INPPL1: variants seen among roughly 807,000 people sequenced by gnomAD.
The protein encoded by INPPL1 is phosphatidylinositol 3,4,5-trisphosphate 5-phosphatase 2.
In INPPL1, 91 loss-of-function variants were observed where a neutral mutation model predicts 139.3. That is an observed-to-expected ratio of 0.65 (90% CI 0.55 to 0.78). The LOEUF (loss-of-function observed/expected upper bound fraction) is 0.78. Among genes scored for constraint, INPPL1 ranks in the 30% least tolerant of loss-of-function variants. The pLI is 0.00. For synonymous variants in INPPL1, 719 were observed against 686.6 expected (o/e 1.05, Z -0.74); for missense variants, 1,411 against 1,665.6 (o/e 0.85, Z 2.66).
chr11:72,225,380 G>A, intron 1 of INPPL1: 2 of 985,470 alleles, frequency 2.0e-6, no homozygotes, highest in Non-Finnish European at 2.4e-6. Flanking sequence ...GGAGCCTTGA[G>A]GGTAGAGAAT....
In INPPL1 at chr11:72,232,578, C is replaced by T. The variant is rs1371961983; in HGVS notation, c.1713-48C>T. ...TTTATGCCTATCCCTGACTTCTGGCCCTGACCCTGGGGATCTACCCCTCCC... is the reference window on the plus strand; with the variant it reads ...TTTATGCCTATCCCTGACTTCTGGCTCTGACCCTGGGGATCTACCCCTCCC... On this transcript the variant is annotated intron_variant, in intron 14 of 27. Transcript: ENST00000298229. The T allele has an allele frequency of 3.1e-6, 5 of 1,603,516 alleles. No homozygotes were observed. The African/African-American group carries it at 6.7e-5, about 21-fold the overall frequency.
rs201051695 is a variant in INPPL1 at position 72,238,073 on chromosome 11, G to T, written c.3584G>T (p.Gly1195Val). ...TGCCTGCAGGGCGGGCGGGCCAGCG[G>T]GCTGGGCGAGGCAGGCATGAGTGCC... is the stretch of plus-strand genomic sequence containing the variant. ...APCLQGGRAS[G>V]LGEAGMSAWL... The change falls in exon 27 of 28, where the codon GGG becomes GTG. Residue 1195 changes from glycine (G) to valine (V), a missense_variant. Transcript: ENST00000298229. 2.0e-4 allele frequency: 308 copies of T among 1,571,430 alleles called. No individual in the cohort carries two copies. Among genetic ancestry groups the T allele is most frequent in the Middle Eastern group, 1.5e-3 (8 of 5,500 alleles).
rs1218682353 is a variant in INPPL1, at chr11:72,234,013, T to G, written c.2213-268T>G. 6.6e-6 allele frequency among the ~76,000 whole-genome samples: 1 copy of G among 152,182 alleles called. No individual in the cohort carries two copies. Among genetic ancestry groups the G allele is most frequent in the Non-Finnish European group, 1.5e-5 (1 of 68,030 alleles). ...CTAGGGCCACGTGTGTGTCCCTGAG[T>G]ATGCCTGTAGGTGTGGGAATCCTGC... On this transcript the variant is annotated intron_variant, in intron 19 of 27. Coordinates refer to ENST00000298229, the MANE Select transcript of INPPL1 (RefSeq NM_001567.4). This position sits in a 1 kb window ranked among gnomAD's most constrained non-coding sequence, Gnocchi z 4.2.
rs1948833192 is a variant in INPPL1, at chr11:72,231,485, ACT to A, written c.1498-8_1498-7del. On this transcript the variant is annotated splice_polypyrimidine_tract_variant and intron_variant, in intron 12 of 27. Coordinates refer to ENST00000298229, the MANE Select transcript of INPPL1 (RefSeq NM_001567.4). ...TGCAGCAGGGCAGTGGTGACCATGCACTCTCTACCCAGATTGCCATGCAATCA... is the reference window on the plus strand; with the variant it reads ...TGCAGCAGGGCAGTGGTGACCATGCACTCTACCCAGATTGCCATGCAATCA... The A allele has an allele frequency of 1.3e-6, 2 of 1,590,374 alleles. No individual in the cohort carries two copies. The highest frequency in any genetic ancestry group is 1.7e-6 in the Non-Finnish European group (2 of 1,158,832).
rs1591290387 is a variant in INPPL1, at chr11:72,238,370, A to C, written c.*17A>C. 6.6e-7 allele frequency: 1 copy of C among 1,523,164 alleles called. No individual in the cohort carries two copies. 94.4% of individuals were successfully genotyped at this position (1,523,164 alleles called of 1,614,324 possible). ...AGCAAGTGATAGCGGAGGCACCACG[A>C]AGCTGTGAACTCAGAGCCCCTCCCT... On this transcript the variant is annotated 3_prime_UTR_variant, in exon 28 of 28. Coordinates refer to ENST00000298229, the MANE Select transcript of INPPL1 (RefSeq NM_001567.4).
In INPPL1 at chr11:72,238,037, C is replaced by G. The variant is rs1471090153; in HGVS notation, c.3553-5C>G. The G allele has an allele frequency of 2.0e-6, 3 of 1,538,344 alleles. No homozygotes were observed. Among genetic ancestry groups the G allele is most frequent in the African/African-American group, 2.8e-5 (2 of 72,470 alleles). On this transcript the variant is annotated splice_region_variant and splice_polypyrimidine_tract_variant and intron_variant, in intron 26 of 27. Coordinates refer to ENST00000298229, the MANE Select transcript of INPPL1 (RefSeq NM_001567.4). ...AGCTCCCCCTGACATGCCCTGTTTC[C>G]TTAGGCTCCGTGCCTGCAGGGCGGG...
rs947958142 is a variant in INPPL1 at position 72,228,033 on chromosome 11, C to T, written c.183-157C>T. ...CAACACCAGGAGGGTGGAAGTGGAC[C>T]GGCCACATCATTAACCCTGTGCAGC... On this transcript the variant is annotated intron_variant, in intron 1 of 27. Coordinates refer to ENST00000298229, the MANE Select transcript of INPPL1 (RefSeq NM_001567.4). This position sits in a 1 kb window ranked among gnomAD's most constrained non-coding sequence, Gnocchi z 5.0. 56 of 696,890 alleles carry T rather than the reference C, an allele frequency of 8.0e-5. No homozygotes were observed. The highest frequency in any genetic ancestry group is 2.7e-4 in the South Asian group (16 of 59,574). The allele number at this position is 696,890 out of a possible 1,614,324, so 43.2% of individuals were successfully genotyped here.
chr11:72,229,031 G>A (rs1948754921), intron 4 of INPPL1, 59 bp from the exon 5 acceptor site: 2 of 1,556,804 alleles, frequency 1.3e-6, no homozygotes, highest in Admixed American at 1.8e-5. Context: ...TAGGGATGGG[G>A]CAGAGGTGCT....
chr11:72,233,839 T>G, intron 19 of INPPL1, 95 bp downstream of exon 19: 1 of 927,310 alleles, frequency 1.1e-6, no homozygotes, highest in Non-Finnish European at 1.8e-6. Flanking sequence ...TGTAAGTGTG[T>G]GTGTGGGTGT....
intron 13 of INPPL1, among the ~76,000 whole-genome samples, chr11:72,231,992 C>T (rs532756973): frequency 6.6e-6 from 1 of 152,250 alleles, no homozygotes; most frequent in South Asian, 2.1e-4. Flanking sequence ...CTTGGGGTCC[C>T]CTGTGATCTC....
rs1307090214 is a variant in INPPL1 at position 72,225,126 on chromosome 11, G to A, written c.142G>A (p.Asp48Asn). 2.4e-6 allele frequency: 3 copies of A among 1,234,362 alleles called. No individual in the cohort carries two copies. The highest frequency in any genetic ancestry group is 3.0e-6 in the Non-Finnish European group (3 of 989,326). 76.5% of individuals were successfully genotyped at this position (1,234,362 alleles called of 1,614,324 possible). A position where few individuals can be genotyped will look rare whatever the true frequency, so the allele number is the denominator to read the frequency against. Reference sequence around the variant, plus strand: ...CCGCGATGGCAGCTTCCTGGTCCGAGACAGCGAGAGCGTGGCGGGGGCCTT... The same window carrying A: ...CCGCGATGGCAGCTTCCTGGTCCGAAACAGCGAGAGCGTGGCGGGGGCCTT... ...AGRDGSFLVR[D>N]SESVAGAFAL... Residue 48 changes from aspartate to asparagine, a missense_variant, in exon 1 of 28, where the codon GAC becomes AAC. By Grantham distance (23) the Asp-to-Asn change is conservative (BLOSUM62 1). Coordinates refer to ENST00000298229, the MANE Select transcript of INPPL1 (RefSeq NM_001567.4).
chr11:72,225,219 C>G (rs1471850703), intron 1 of INPPL1, 53 bp downstream of exon 1: 11 of 1,226,110 alleles, frequency 9.0e-6, no homozygotes, highest in Non-Finnish European at 1.1e-5. Context: ...AGCGCGGGCA[C>G]GGCCGGGTGT....
At chr11:72,229,256 A>G (rs923632399) in intron 5 of INPPL1, 26 bp downstream of exon 5, 2 of 1,587,996 alleles carry the variant, frequency 1.3e-6, no homozygotes, top group East Asian at 4.5e-5. Context: ...AGCCCCATGT[A>G]TTACACCCTT....
Position 72,235,832 on chromosome 11 carries a change from T to C in INPPL1, c.2739-14T>C, listed in dbSNP as rs1948973431. 1 of 1,612,632 alleles carries C rather than the reference T, an allele frequency of 6.2e-7. No individual in the cohort carries two copies. Among genetic ancestry groups the C allele is most frequent in the African/African-American group, 1.3e-5 (1 of 75,034 alleles). ...TCAACCCCACTTCATCTCTCTCCTG[T>C]GCATCCCTGGCAGGTCAGGGAGCCG... On this transcript the variant is annotated splice_polypyrimidine_tract_variant and intron_variant, in intron 24 of 27. Transcript: ENST00000298229. This position sits in a 1 kb window ranked among gnomAD's most constrained non-coding sequence, Gnocchi z 4.9.
Position 72,228,609 on chromosome 11 carries a change from C to A in INPPL1, c.397+111C>A. 6.5e-7 allele frequency: 1 copy of A among 1,541,044 alleles called. No homozygotes were observed. The highest frequency in any genetic ancestry group is 8.8e-7 in the Non-Finnish European group (1 of 1,137,018). Reference sequence around the variant, plus strand: ...CTCCTGTAACCCCCTTTCCCTTGGCCATGATGCCGGGGCCCTTTAACCCTC... The same window carrying A: ...CTCCTGTAACCCCCTTTCCCTTGGCAATGATGCCGGGGCCCTTTAACCCTC... On this transcript the variant is annotated intron_variant, in intron 3 of 27. Transcript: ENST00000298229. This position sits in a 1 kb window ranked among gnomAD's most constrained non-coding sequence, Gnocchi z 5.0.
In INPPL1 at chr11:72,237,393, C is replaced by T. The variant is rs766000787; in HGVS notation, c.3149C>T (p.Pro1050Leu). 2.5e-6 allele frequency: 4 copies of T among 1,613,590 alleles called. No homozygotes were observed. In the Admixed American group the frequency reaches 5.0e-5, roughly 20 times the overall value. The change falls in exon 26 of 28, where the codon CCT becomes CTT. Residue 1050 changes from proline (P) to leucine (L), a missense_variant. This residue lies in a region of INPPL1 where 438 missense variants were observed against 425.7 expected (regional missense o/e 1.03). Transcript: ENST00000298229. The stretch of plus-strand genomic sequence containing the variant: ...GAGGAGTCTGGAGGCACACTGCCCC[C>T]TCCAGACTTTCCACCTCCACCACTG... ...SDEESGGTLP[P>L]PDFPPPPLPD...
chr11:72,237,675 C>T lies in INPPL1; in HGVS notation c.3431C>T (p.Ala1144Val), dbSNP rs778488376. The change falls in exon 26 of 28, where the codon GCG becomes GTG. Residue 1144 changes from alanine (A) to valine (V), a missense_variant. This residue lies in a region of INPPL1 where 438 missense variants were observed against 425.7 expected (regional missense o/e 1.03). Transcript: ENST00000298229. ...GCCCCTGCTGGGCCTGCACGCTCAGCGCTCCTCCCAGGCCCCCTGGAGCTG... is the reference window on the plus strand; with the variant it reads ...GCCCCTGCTGGGCCTGCACGCTCAGTGCTCCTCCCAGGCCCCCTGGAGCTG... ...DYAPAGPARS[A>V]LLPGPLELQP... 2.7e-5 allele frequency: 44 copies of T among 1,611,866 alleles called. No homozygotes were observed. In the South Asian group the frequency reaches 3.0e-4, roughly 11 times the overall value.
chr11:72,230,137 C>T lies in INPPL1; in HGVS notation c.956C>T (p.Thr319Ile), dbSNP rs753815166. 1.2e-6 allele frequency: 2 copies of T among 1,609,470 alleles called. No individual in the cohort carries two copies. Among genetic ancestry groups the T allele is most frequent in the Non-Finnish European group, 1.7e-6 (2 of 1,176,584 alleles). Reference protein sequence around the residue: ...VQAFEVKLDVTLGDLTKIGKS... With the variant: ...VQAFEVKLDVILGDLTKIGKS... ...GGCCTACAGGTGAAGCTAGATGTGACCCTGGGTGACCTGACCAAGATTGGG... is the reference window on the plus strand; with the variant it reads ...GGCCTACAGGTGAAGCTAGATGTGATCCTGGGTGACCTGACCAAGATTGGG... The change falls in exon 9 of 28, where the codon ACC becomes ATC. Residue 319 changes from threonine (T) to isoleucine (I), a missense_variant. Thr to Ile is a moderately conservative substitution (Grantham distance 89). Coordinates refer to ENST00000298229, the MANE Select transcript of INPPL1 (RefSeq NM_001567.4).
At chr11:72,225,877 G>A (rs1037985022) in intron 1 of INPPL1, among the ~76,000 whole-genome samples, 2 of 152,158 alleles carry the variant, frequency 1.3e-5, no homozygotes, top group Non-Finnish European at 2.9e-5. Flanking sequence ...CTGTGGCTGT[G>A]CCTTTCAGCC....
Sources: gnomAD v4.1 joint callset for allele counts (sites outside exome capture counted in the v4.1 genomes callset) on GRCh38, gnomAD v4.1.1 for gene constraint, gnomAD v4.1.1 regional missense constraint, Gnocchi (gnomAD v3.1) non-coding constraint, MANE v1.5 for transcripts, NCBI Gene and HGNC (gene_info 2026-07-23, HGNC 2026-07-21) for gene names.